KANSL1L: variants seen among roughly 807,000 people sequenced by gnomAD.
The protein encoded by KANSL1L is KAT8 regulatory NSL complex subunit 1 like.
In KANSL1L, 25 loss-of-function variants were observed where a neutral mutation model predicts 108.6. That is an observed-to-expected ratio of 0.23 (90% CI 0.17 to 0.32). The LOEUF is 0.32. KANSL1L is among the 10% of genes least tolerant of loss of function. The pLI is 1.00. For synonymous variants in KANSL1L, 405 were observed against 395.1 expected, an observed-to-expected ratio of 1.03 and a Z score of -0.30; for missense variants, 1,137 against 1,125.7, an observed-to-expected ratio of 1.01 and a Z score of -0.14.
intron 6 of KANSL1L, among the ~76,000 whole-genome samples, chr2:210,073,590 G>A (rs2094522102): frequency 6.6e-6 from 1 of 151,946 alleles, no homozygotes; most frequent in Non-Finnish European, 1.5e-5. Flanking sequence ...TGTTTCATGT[G>A]CTCAATAGCT....
intron 3 of KANSL1L, among the ~76,000 whole-genome samples, chr2:210,109,367 ATCCCT>A (rs2094882781): frequency 6.6e-6 from 1 of 152,090 alleles, no homozygotes; most frequent in South Asian, 2.1e-4. Flanking sequence ...AAGGACTCTG[ATCCCT>A]TCCCTTCTCA....
chr2:210,041,308 C>T (rs1009037930), intron 7 of KANSL1L, among the ~76,000 whole-genome samples: 25 of 152,218 alleles, frequency 1.6e-4, no homozygotes, highest in Admixed American at 7.2e-4. Flanking sequence ...CCTAACTTTT[C>T]CTTGAGAACA....
intron 8 of KANSL1L, chr2:210,032,344 A>C (rs973758984): frequency 6.6e-6 from 1 of 152,252 alleles, no homozygotes. Context: ...GGCACATATA[A>C]ATCCACATTT....
chr2:210,086,194 C>T (rs563290254), intron 5 of KANSL1L, among the ~76,000 whole-genome samples: 17 of 151,786 alleles, frequency 1.1e-4, no homozygotes, highest in East Asian at 1.9e-4. Context: ...AATAATTCAT[C>T]GGAATTTAAT....
At chr2:210,133,306 CTT>C (rs895235497) in intron 2 of KANSL1L, among the ~76,000 whole-genome samples, 30 of 152,020 alleles carry the variant, frequency 2.0e-4, no homozygotes, top group Admixed American at 4.6e-4. Context: ...TTATTATACT[CTT>C]TTTAATTCAT....
chr2:210,160,792 A>G (rs1369824051), intron 1 of KANSL1L, among the ~76,000 whole-genome samples: 1 of 152,216 alleles, frequency 6.6e-6, no homozygotes, highest in Non-Finnish European at 1.5e-5. Context: ...GCTGATATCT[A>G]CAAGCTAATT....
intron 8 of KANSL1L, among the ~76,000 whole-genome samples, chr2:210,034,782 C>CT (rs980280255): frequency 9.9e-5 from 15 of 152,180 alleles, no homozygotes; most frequent in Admixed American, 6.5e-4. Flanking sequence ...AGACTGAGCT[C>CT]TATGTTTCTG....
intron 5 of KANSL1L, among the ~76,000 whole-genome samples, chr2:210,092,134 G>A (rs1333623130): frequency 6.6e-6 from 1 of 152,124 alleles, no homozygotes; most frequent in African/African-American, 2.4e-5. Context: ...TATATGTCCA[G>A]AGGTAGATTT....
rs10166394 is a variant in KANSL1L at position 210,141,195 on chromosome 2, T to C, written c.1089-12023A>G. 3.9e-3 allele frequency among the ~76,000 whole-genome samples: 493 copies of C among 126,400 alleles called. 1 individual carries two copies. Among genetic ancestry groups the C allele is most frequent in the African/African-American group, 0.014 (468 of 33,546 alleles). The allele number at this position is 126,400 out of a possible 152,430, so 82.9% of individuals were successfully genotyped here. ...TTTCTTTTCTTTCTCTCCCTTTCTC[T>C]TTTTCTTTTTTCTTTTCTTTCCTTT... On this transcript the variant is annotated intron_variant, in intron 2 of 14. Coordinates refer to ENST00000281772, the MANE Select transcript of KANSL1L (RefSeq NM_152519.4).
intron 6 of KANSL1L, among the ~76,000 whole-genome samples, chr2:210,060,586 G>C (rs1032995150): frequency 1.3e-5 from 2 of 152,114 alleles, no homozygotes; most frequent in African/African-American, 4.8e-5. Flanking sequence ...TACTACTTCT[G>C]CAAGACCAGC....
chr2:210,061,939 G>C (rs2094424096), intron 6 of KANSL1L, among the ~76,000 whole-genome samples: 8 of 152,122 alleles, frequency 5.3e-5, no homozygotes. Context: ...TACCAAATTT[G>C]TATTTATATT....
At chr2:210,159,296 A>AC (rs1308433220) in intron 1 of KANSL1L, among the ~76,000 whole-genome samples, 2 of 152,138 alleles carry the variant, frequency 1.3e-5, no homozygotes, top group Non-Finnish European at 2.9e-5. Flanking sequence ...GCCTGAAACA[A>AC]TTTTTTACAA....
chr2:210,133,742 C>G (rs147588276), intron 2 of KANSL1L, among the ~76,000 whole-genome samples: 1 of 152,116 alleles, frequency 6.6e-6, no homozygotes, highest in Non-Finnish European at 1.5e-5. Context: ...TCTGATATGT[C>G]ATGTTTCTAA....
Position 210,171,294 on chromosome 2 carries a change from CG to C in KANSL1L, c.-176del. On this transcript the variant is annotated 5_prime_UTR_variant, in exon 1 of 15. Coordinates refer to ENST00000281772, the MANE Select transcript of KANSL1L (RefSeq NM_152519.4). Reference sequence around the variant, plus strand: ...TCCAGAGCGCGCCCCGCTCCCGCCCCGGCCGCCGCCGCCGCCGCCGCCGCCG... The same window carrying C: ...TCCAGAGCGCGCCCCGCTCCCGCCCCGCCGCCGCCGCCGCCGCCGCCGCCG... 1.4e-5 allele frequency: 2 copies of C among 147,080 alleles called. No individual in the cohort carries two copies. The highest frequency in any genetic ancestry group is 2.5e-5 in the Non-Finnish European group (2 of 80,488). 9.1% of individuals were successfully genotyped at this position (147,080 alleles called of 1,614,324 possible).
intron 2 of KANSL1L, among the ~76,000 whole-genome samples, chr2:210,150,331 G>GT (rs1293449424): frequency 1.3e-5 from 2 of 151,842 alleles, no homozygotes; most frequent in African/African-American, 4.8e-5. Context: ...ACGTTATTTA[G>GT]TAAAAAAAAA....
At chr2:210,124,679 T>C (rs982491326) in intron 3 of KANSL1L, among the ~76,000 whole-genome samples, 1 of 151,756 alleles carries the variant, frequency 6.6e-6, no homozygotes, top group Non-Finnish European at 1.5e-5. Flanking sequence ...AATATGAGGA[T>C]AGAAAAACTA....
chr2:210,125,852 T>G (rs775895261), intron 3 of KANSL1L, among the ~76,000 whole-genome samples: 4 of 152,092 alleles, frequency 2.6e-5, no homozygotes, highest in Non-Finnish European at 5.9e-5. Flanking sequence ...AAGCCACATA[T>G]GAAAACCCCC....
At chr2:210,078,817 A>C (rs1464856033) in intron 5 of KANSL1L, among the ~76,000 whole-genome samples, 1 of 152,250 alleles carries the variant, frequency 6.6e-6, no homozygotes, top group Admixed American at 6.5e-5. Context: ...ATGATGATTC[A>C]GGTAATTAAG....
At chr2:210,120,994 T>G (rs187756500) in intron 3 of KANSL1L, among the ~76,000 whole-genome samples, 7 of 152,038 alleles carry the variant, frequency 4.6e-5, no homozygotes, top group Non-Finnish European at 7.4e-5. Context: ...AGTCAAAAAA[T>G]AACAGATGTT....
Sources: gnomAD v4.1 joint callset for allele counts (sites outside exome capture counted in the v4.1 genomes callset) on GRCh38, gnomAD v4.1.1 for gene constraint, MANE v1.5 for transcripts, NCBI Gene and HGNC (gene_info 2026-07-23, HGNC 2026-07-21) for gene names.